The following DOCK1 variants were observed in gnomAD, a reference collection of about 807,000 sequenced individuals.
DOCK1 encodes the protein dedicator of cytokinesis protein 1.
DOCK1 carries 138 observed loss-of-function variants against 262.7 expected under a neutral mutation model. The ratio of observed to expected loss-of-function variants is 0.53; its 90% confidence interval spans 0.46 to 0.61. The LOEUF (loss-of-function observed/expected upper bound fraction) is 0.61. DOCK1 is among the 20% of genes least tolerant of loss of function. The pLI is 0.00. For synonymous variants in DOCK1, 866 were observed against 867.4 expected (o/e 1.00, Z 0.03); for missense variants, 1,908 against 2,370.7 (o/e 0.80, Z 4.05).
chr10:127,039,573 C>T (rs1464850625), intron 19 of DOCK1, among the ~76,000 whole-genome samples: 3 of 152,146 alleles, frequency 2.0e-5, no homozygotes, highest in Non-Finnish European at 4.4e-5. Flanking sequence ...CAGCCCTTAC[C>T]TACCTTGCCT....
chr10:127,376,368 C>T (rs950310038), intron 35 of DOCK1, among the ~76,000 whole-genome samples: 1 of 152,198 alleles, frequency 6.6e-6, no homozygotes, highest in Non-Finnish European at 1.5e-5. Context: ...CATCATGTGT[C>T]TTAGGCTACT....
intron 33 of DOCK1, among the ~76,000 whole-genome samples, chr10:127,370,758 A>G (rs1235199952): frequency 6.6e-6 from 1 of 152,186 alleles, no homozygotes; most frequent in Non-Finnish European, 1.5e-5. Flanking sequence ...CGTCACGTCA[A>G]TTTAACAGCA....
chr10:127,429,217 G>A (rs1429665187), intron 47 of DOCK1, among the ~76,000 whole-genome samples: 1 of 152,104 alleles, frequency 6.6e-6, no homozygotes, highest in Non-Finnish European at 1.5e-5. Flanking sequence ...CGTCTAGGGG[G>A]TGGGAGGCTT....
chr10:127,173,398 C>T (rs1022147878), intron 27 of DOCK1, among the ~76,000 whole-genome samples: 7 of 152,100 alleles, frequency 4.6e-5, no homozygotes, highest in Non-Finnish European at 8.8e-5. Context: ...TCTCAGAGAA[C>T]CCTGAGGATC....
chr10:127,248,544 A>G (rs904313962), intron 28 of DOCK1, among the ~76,000 whole-genome samples: 2 of 152,258 alleles, frequency 1.3e-5, no homozygotes, highest in African/African-American at 2.4e-5. Context: ...ATGGAAGCTC[A>G]TCAGCATTTC....
At chr10:126,990,678 C>T (rs2039726541) in intron 6 of DOCK1, 75 bp downstream of exon 6, 1 of 1,479,058 alleles carries the variant, frequency 6.8e-7, no homozygotes, top group African/African-American at 1.4e-5. Context: ...TTCAGGAGAC[C>T]AAGATCATAT....
chr10:126,998,382 A>G, intron 8 of DOCK1, 133 bp downstream of exon 8: 1 of 1,248,596 alleles, frequency 8.0e-7, no homozygotes, highest in Non-Finnish European at 1.1e-6. Context: ...CAAGCAGCCG[A>G]GTCAAGAGCT....
intron 33 of DOCK1, among the ~76,000 whole-genome samples, chr10:127,370,363 G>A (rs113190664): frequency 2.6e-5 from 4 of 152,264 alleles, no homozygotes; most frequent in African/African-American, 7.2e-5. Context: ...CCATCAAGGC[G>A]GTGAGTGGTC....
At chr10:127,079,436 C>G (rs1434276091) in intron 23 of DOCK1, among the ~76,000 whole-genome samples, 2 of 152,174 alleles carry the variant, frequency 1.3e-5, no homozygotes, top group African/African-American at 4.8e-5. Context: ...CAGTGAACAT[C>G]AAGGAAAACC....
chr10:127,429,125 G>A (rs1816794905), intron 47 of DOCK1, among the ~76,000 whole-genome samples: 1 of 151,724 alleles, frequency 6.6e-6, no homozygotes, highest in Admixed American at 6.6e-5. Context: ...TCCTTGGTTG[G>A]AGCTTATTTC....
intron 27 of DOCK1, among the ~76,000 whole-genome samples, chr10:127,158,281 A>G (rs977048623): frequency 6.6e-6 from 1 of 152,238 alleles, no homozygotes; most frequent in Non-Finnish European, 1.5e-5. Context: ...AGGAAGAACA[A>G]CCTAAAAACT....
chr10:127,141,678 A>AC (rs1407563592), intron 27 of DOCK1, among the ~76,000 whole-genome samples: 9 of 147,134 alleles, frequency 6.1e-5, no homozygotes, highest in Non-Finnish European at 1.4e-4. Flanking sequence ...CTTTAAAACA[A>AC]AAAAAAAAAA....
At chr10:127,219,473 T>C (rs931010901) in intron 27 of DOCK1, among the ~76,000 whole-genome samples, 2 of 152,350 alleles carry the variant, frequency 1.3e-5, no homozygotes, top group African/African-American at 4.8e-5. Context: ...TCAAAAATTT[T>C]TAATTGTGGT....
At chr10:127,318,314 C>T (rs141835563) in intron 29 of DOCK1, among the ~76,000 whole-genome samples, 120 of 152,298 alleles carry the variant, frequency 7.9e-4, no homozygotes, top group African/African-American at 2.7e-3. Flanking sequence ...AGAGGAGGCA[C>T]ACTGGACATT....
At chr10:127,000,430 G>GA in intron 10 of DOCK1, 123 bp downstream of exon 10, 1 of 1,354,060 alleles carries the variant, frequency 7.4e-7, no homozygotes, top group African/African-American at 1.5e-5. Flanking sequence ...CTGCTGGAGA[G>GA]AAAAAATATA....
At chr10:127,086,650 T>C (rs567336504) in intron 23 of DOCK1, among the ~76,000 whole-genome samples, 1 of 152,254 alleles carries the variant, frequency 6.6e-6, no homozygotes, top group South Asian at 2.1e-4. Context: ...AAATGGGTGA[T>C]TGTGGCTTGG....
intron 33 of DOCK1, 129 bp downstream of exon 33, chr10:127,362,341 TGA>T: frequency 9.1e-7 from 1 of 1,102,368 alleles, no homozygotes; most frequent in Non-Finnish European, 1.2e-6. Context: ...TCCTACAGCT[TGA>T]GAGAGAAAAA....
intron 23 of DOCK1, among the ~76,000 whole-genome samples, chr10:127,078,590 C>G (rs2046709174): frequency 6.6e-6 from 1 of 152,144 alleles, no homozygotes; most frequent in Non-Finnish European, 1.5e-5. Flanking sequence ...CAATCCCATT[C>G]CTGGGTATCT....
chr10:126,915,423 T>C lies in DOCK1; in HGVS notation c.46+9860T>C, dbSNP rs561066415. 8.1e-5 allele frequency among the ~76,000 whole-genome samples: 10 copies of C among 123,568 alleles called. No individual in the cohort carries two copies. The East Asian group carries it at 2.9e-3, about 36-fold the overall frequency. The allele number at this position is 123,568 out of a possible 152,430, so 81.1% of individuals were successfully genotyped here. ...CTTTCTCAATGTGTCTTTTTCTTTTTTGGGGGCGGGGGGGGGATGGAGTCT... is the reference window on the plus strand; with the variant it reads ...CTTTCTCAATGTGTCTTTTTCTTTTCTGGGGGCGGGGGGGGGATGGAGTCT... On this transcript the variant is annotated intron_variant, in intron 1 of 51. Coordinates refer to ENST00000623213, the MANE Select transcript of DOCK1 (RefSeq NM_001290223.2).
Sources: allele counts gnomAD v4.1 joint callset (sites outside exome capture counted in the v4.1 genomes callset), GRCh38; gene constraint gnomAD v4.1.1; transcripts MANE v1.5; gene names NCBI Gene and HGNC (gene_info 2026-07-23, HGNC 2026-07-21).